The following PCDH15 variants were observed in gnomAD, a reference collection of about 807,000 sequenced individuals.
The protein encoded by PCDH15 is protocadherin-15.
A neutral mutation model predicts 178.5 loss-of-function variants in PCDH15; 129 were observed. The observed-to-expected ratio is 0.72, with a 90% CI of 0.63 to 0.84. The LOEUF (loss-of-function observed/expected upper bound fraction) is 0.84. PCDH15 is among the 40% of genes least tolerant of loss of function. PCDH15 has a pLI of 0.00. For synonymous variants in PCDH15, 800 were observed against 732.0 expected (o/e 1.09, Z -1.50); for missense variants, 2,230 against 2,099.9 (o/e 1.06, Z -1.21).
intron 3 of PCDH15, among the ~76,000 whole-genome samples, chr10:54,819,157 T>C (rs1467088076): frequency 6.6e-6 from 1 of 151,968 alleles, no homozygotes. Flanking sequence ...ACATAAATAT[T>C]TGCTGAAGAC....
chr10:55,067,619 G>A (rs568336220), intron 2 of PCDH15, among the ~76,000 whole-genome samples: 1 of 144,982 alleles, frequency 6.9e-6, no homozygotes, highest in East Asian at 2.1e-4. Context: ...CGGAATTGCT[G>A]GATAATGTGA....
intron 2 of PCDH15, among the ~76,000 whole-genome samples, chr10:54,973,299 T>C (rs1366172733): frequency 6.6e-6 from 1 of 152,208 alleles, no homozygotes; most frequent in African/African-American, 2.4e-5. Flanking sequence ...GTGGGTTATA[T>C]TTATAGATAT....
chr10:53,982,552 C>G (rs2090743448), intron 21 of PCDH15, among the ~76,000 whole-genome samples: 1 of 151,354 alleles, frequency 6.6e-6, no homozygotes, highest in African/African-American at 2.4e-5. Context: ...CCATCATTTT[C>G]AGCAAACTAT....
At chr10:55,307,752 T>A (rs973013181) in intron 1 of PCDH15, among the ~76,000 whole-genome samples, 4 of 151,950 alleles carry the variant, frequency 2.6e-5, no homozygotes, top group Admixed American at 6.6e-5. Flanking sequence ...AAAATATTTT[T>A]AAAAATTTAT....
At chr10:55,131,234 T>G (rs1464302420) in intron 2 of PCDH15, among the ~76,000 whole-genome samples, 2 of 152,152 alleles carry the variant, frequency 1.3e-5, no homozygotes, top group Non-Finnish European at 2.9e-5. Flanking sequence ...AAATGACCTT[T>G]TCACTGTCTC....
intron 3 of PCDH15, among the ~76,000 whole-genome samples, chr10:54,870,147 T>C (rs1344893821): frequency 6.6e-6 from 1 of 152,194 alleles, no homozygotes; most frequent in Non-Finnish European, 1.5e-5. Flanking sequence ...GGCAAGAAGA[T>C]CTAAGGAAAA....
intron 14 of PCDH15, among the ~76,000 whole-genome samples, chr10:54,149,547 C>G (rs1210947406): frequency 6.6e-6 from 1 of 152,080 alleles, no homozygotes; most frequent in Non-Finnish European, 1.5e-5. Flanking sequence ...CTAAGAAAAG[C>G]AGAGTTGAGT....
chr10:54,402,432 T>G (rs1298722329), intron 3 of PCDH15, among the ~76,000 whole-genome samples: 1 of 152,004 alleles, frequency 6.6e-6, no homozygotes, highest in South Asian at 2.1e-4. Flanking sequence ...CATGATCGTT[T>G]ATGTATAAAA....
At chr10:53,900,166 C>G (rs1233376381) in intron 26 of PCDH15, among the ~76,000 whole-genome samples, 1 of 151,684 alleles carries the variant, frequency 6.6e-6, no homozygotes, top group East Asian at 1.9e-4. Context: ...ATTATTATAG[C>G]ATACACTTGC....
At chr10:54,140,477 T>C (rs1392694506) in intron 14 of PCDH15, among the ~76,000 whole-genome samples, 2 of 152,050 alleles carry the variant, frequency 1.3e-5, no homozygotes, top group Non-Finnish European at 2.9e-5. Context: ...TTCTGCTTTT[T>C]TTTTTTTCTT....
intron 2 of PCDH15, among the ~76,000 whole-genome samples, chr10:55,613,286 C>T (rs1843408798): frequency 6.6e-6 from 1 of 152,086 alleles, no homozygotes; most frequent in Admixed American, 6.6e-5. Context: ...ACACTATAGC[C>T]TATCTTTACC....
At chr10:54,755,880 A>T (rs1480627744) in intron 1 of PCDH15, among the ~76,000 whole-genome samples, 1 of 152,178 alleles carries the variant, frequency 6.6e-6, no homozygotes, top group Non-Finnish European at 1.5e-5. Flanking sequence ...CAGTGCGTAG[A>T]GCACAATGGA....
intron 18 of PCDH15, among the ~76,000 whole-genome samples, chr10:54,036,267 T>A (rs945589675): frequency 2.0e-5 from 3 of 151,946 alleles, no homozygotes; most frequent in African/African-American, 7.2e-5. Context: ...GATAAAACAG[T>A]TTTCTATTAG....
At chr10:54,745,587 T>C (rs1945355562) in intron 1 of PCDH15, among the ~76,000 whole-genome samples, 1 of 152,208 alleles carries the variant, frequency 6.6e-6, no homozygotes, top group African/African-American at 2.4e-5. Context: ...AAGGGGTTTC[T>C]GGCTGGATTC....
At chr10:54,811,135 G>GTATATA (rs35181963) in intron 3 of PCDH15, among the ~76,000 whole-genome samples, 3 of 150,806 alleles carry the variant, frequency 2.0e-5, no homozygotes, top group Non-Finnish European at 4.4e-5. Flanking sequence ...AATATTATGT[G>GTATATA]TATATATATA....
At chr10:54,314,686 C>T (rs1303167076) in intron 8 of PCDH15, among the ~76,000 whole-genome samples, 1 of 152,052 alleles carries the variant, frequency 6.6e-6, no homozygotes, top group East Asian at 1.9e-4. Flanking sequence ...CTGTCTCCTC[C>T]TACCTTCCAA....
chr10:54,486,695 T>C (rs2079129907), intron 3 of PCDH15, among the ~76,000 whole-genome samples: 2 of 152,010 alleles, frequency 1.3e-5, no homozygotes, highest in South Asian at 4.1e-4. Flanking sequence ...TCTAAAAGAC[T>C]GTAAAACCTT....
At chr10:54,518,518 T>C (rs1230083009) in intron 3 of PCDH15, among the ~76,000 whole-genome samples, 1 of 151,248 alleles carries the variant, frequency 6.6e-6, no homozygotes, top group Non-Finnish European at 1.5e-5. Context: ...CAGGAAGAAG[T>C]TGAATCTCTG....
intron 2 of PCDH15, among the ~76,000 whole-genome samples, chr10:55,587,678 T>C (rs1226420680): frequency 2.6e-5 from 4 of 152,194 alleles, no homozygotes; most frequent in Non-Finnish European, 2.9e-5. Context: ...AAAGAATACA[T>C]ATTACAATGG....
Sources: gnomAD v4.1 joint callset for allele counts (sites outside exome capture counted in the v4.1 genomes callset) on GRCh38, gnomAD v4.1.1 for gene constraint, MANE v1.5 for transcripts, NCBI Gene and HGNC (gene_info 2026-07-23, HGNC 2026-07-21) for gene names.